RALGPS2: variants seen among roughly 807,000 people sequenced by gnomAD.
The protein encoded by RALGPS2 is Ral GEF with PH domain and SH3 binding motif 2, also known as ras-specific guanine nucleotide-releasing factor RalGPS2.
In RALGPS2, 43 loss-of-function variants were observed where a neutral mutation model predicts 86.8. The ratio of observed to expected loss-of-function variants is 0.50; its 90% CI spans 0.39 to 0.64. RALGPS2 has a LOEUF of 0.64. RALGPS2 is among the 30% of genes least tolerant of loss of function. The pLI, the probability that RALGPS2 is intolerant of heterozygous loss-of-function variation, is 0.00. For synonymous variants in RALGPS2, 243 were observed against 231.3 expected (o/e 1.05, Z -0.46); for missense variants, 536 against 694.6 (o/e 0.77, Z 2.57).
chr1:178,900,277 T>C (rs937654049), intron 17 of RALGPS2, among the ~76,000 whole-genome samples: 1 of 152,008 alleles, frequency 6.6e-6, no homozygotes, highest in Non-Finnish European at 1.5e-5. Context: ...TTTAGTATTC[T>C]ATAAAGTATA....
chr1:178,819,870 A>T (rs531888592), intron 6 of RALGPS2, among the ~76,000 whole-genome samples: 2 of 152,220 alleles, frequency 1.3e-5, no homozygotes, highest in Non-Finnish European at 2.9e-5. Context: ...CTCTGAACTG[A>T]TTCCCTTCCT....
At chr1:178,832,672 T>C (rs146175667) in intron 7 of RALGPS2, among the ~76,000 whole-genome samples, 74 of 151,932 alleles carry the variant, frequency 4.9e-4, no homozygotes, top group Non-Finnish European at 8.5e-4. Flanking sequence ...AGTAATGAAA[T>C]AGAAACTTCA....
At chr1:178,821,160 G>A (rs1655486711) in intron 6 of RALGPS2, among the ~76,000 whole-genome samples, 1 of 152,122 alleles carries the variant, frequency 6.6e-6, no homozygotes, top group African/African-American at 2.4e-5. Flanking sequence ...GTGAAAGGCA[G>A]GTTTCTCCCT....
rs530394165 is a variant in RALGPS2 at position 178,727,503 on chromosome 1, G to C, written c.-84+2084G>C. Among the ~76,000 whole-genome samples the C allele has an allele frequency of 3.3e-5, 5 of 152,298 alleles. No homozygotes were observed. In the East Asian group the frequency reaches 9.6e-4, roughly 29 times the overall value. On this transcript the variant is annotated intron_variant, in intron 1 of 19. Transcript: ENST00000367635. ...AATGCTTGCATTGGCAGAACACAAC[G>C]TGCTTTTCTAATATTTATTAGTAAT... is the stretch of plus-strand genomic sequence containing the variant.
chr1:178,811,418 G>C lies in RALGPS2; in HGVS notation c.387+14G>C. On this transcript the variant is annotated intron_variant, in intron 6 of 19. Coordinates refer to ENST00000367635, the MANE Select transcript of RALGPS2 (RefSeq NM_152663.5). Reference sequence around the variant, plus strand: ...AAAACTGCTAAGGTAAGAAAAACTTGTGTTTTTATTTTTGAGTTCAACCAT... The same window carrying C: ...AAAACTGCTAAGGTAAGAAAAACTTCTGTTTTTATTTTTGAGTTCAACCAT... The C allele has an allele frequency of 6.7e-7, 1 of 1,489,664 alleles. No individual in the cohort carries two copies. The highest frequency in any genetic ancestry group is 1.5e-5 in the African/African-American group (1 of 67,872). 92.3% of individuals were successfully genotyped at this position (1,489,664 alleles called of 1,614,324 possible).
At chr1:178,761,177 C>A (rs1003886695) in intron 1 of RALGPS2, among the ~76,000 whole-genome samples, 2 of 151,934 alleles carry the variant, frequency 1.3e-5, no homozygotes, top group African/African-American at 4.8e-5. Flanking sequence ...GTTTCGGCCA[C>A]GTTTGCCAGG....
intron 8 of RALGPS2, among the ~76,000 whole-genome samples, chr1:178,854,747 G>A (rs1657415350): frequency 6.6e-6 from 1 of 152,140 alleles, no homozygotes; most frequent in African/African-American, 2.4e-5. Flanking sequence ...CTGAACTGCT[G>A]TGTTGCATGC....
chr1:178,767,728 C>G (rs866442899), intron 1 of RALGPS2, among the ~76,000 whole-genome samples: 20 of 152,070 alleles, frequency 1.3e-4, no homozygotes, highest in Admixed American at 2.6e-4. Context: ...GTGGAGTTGA[C>G]CACCCTGTCA....
Position 178,917,906 on chromosome 1 carries a change from T to C in RALGPS2, c.*1547T>C, listed in dbSNP as rs1660865044. 1 of 152,162 alleles carries C rather than the reference T, an allele frequency of 6.6e-6. No individual in the cohort carries two copies. Among genetic ancestry groups the C allele is most frequent in the Non-Finnish European group, 1.5e-5 (1 of 68,002 alleles). The allele number at this position is 152,162 out of a possible 1,614,324, so 9.4% of individuals were successfully genotyped here. On this transcript the variant is annotated 3_prime_UTR_variant, in exon 20 of 20. Transcript: ENST00000367635. Reference sequence around the variant, plus strand: ...GTTACTTTGGGCCTCACATAAAATTTCTCACATTCGTATTCTTAGAGAATT... The same window carrying C: ...GTTACTTTGGGCCTCACATAAAATTCCTCACATTCGTATTCTTAGAGAATT...
At chr1:178,815,392 A>G (rs1572360311) in intron 6 of RALGPS2, among the ~76,000 whole-genome samples, 1 of 151,828 alleles carries the variant, frequency 6.6e-6, no homozygotes, top group Non-Finnish European at 1.5e-5. Context: ...GCAGTCTTCT[A>G]TTGATTTTTG....
At chr1:178,839,943 AGAG>A (rs1656503091) in intron 8 of RALGPS2, among the ~76,000 whole-genome samples, 1 of 152,252 alleles carries the variant, frequency 6.6e-6, no homozygotes, top group Non-Finnish European at 1.5e-5. Flanking sequence ...TTCAACAAGA[AGAG>A]CTAACTATCC....
intron 4 of RALGPS2, among the ~76,000 whole-genome samples, chr1:178,793,936 G>A (rs915453286): frequency 6.6e-6 from 1 of 152,120 alleles, no homozygotes; most frequent in Non-Finnish European, 1.5e-5. Context: ...ATGCTGAGTA[G>A]GGCAGAAGTT....
At chr1:178,801,318 A>G (rs1449666021) in intron 4 of RALGPS2, among the ~76,000 whole-genome samples, 2 of 152,016 alleles carry the variant, frequency 1.3e-5, no homozygotes, top group African/African-American at 4.8e-5. Context: ...AATTTAATCT[A>G]CTGTGTTTTA....
At chr1:178,865,599 T>C (rs114952794) in intron 8 of RALGPS2, 1 of 1,614,042 alleles carries the variant, frequency 6.2e-7, no homozygotes, top group African/African-American at 1.3e-5. Context: ...GGCCCTGTTA[T>C]TCTTTGTTCA....
intron 1 of RALGPS2, among the ~76,000 whole-genome samples, chr1:178,758,745 G>T (rs1342853448): frequency 6.6e-6 from 1 of 152,096 alleles, no homozygotes; most frequent in African/African-American, 2.4e-5. Flanking sequence ...TCTTTTTATG[G>T]CTGAATAGTA....
At position 178,909,445 on chromosome 1, in the gene RALGPS2, T is replaced by G. The variant is rs111700177; in HGVS notation, c.1722+2578T>G. 4.6e-3 allele frequency among the ~76,000 whole-genome samples: 697 copies of G among 152,204 alleles called. 7 individuals are homozygous for G. Among genetic ancestry groups the G allele is most frequent in the African/African-American group, 0.015 (624 of 41,524 alleles). On this transcript the variant is annotated intron_variant, in intron 19 of 19. Transcript: ENST00000367635. ...TGTTGTTGTTCCCATATGAATTTTCTAATGGTTTTTTCTAATTCTTTGAAG... is the reference window on the plus strand; with the variant it reads ...TGTTGTTGTTCCCATATGAATTTTCGAATGGTTTTTTCTAATTCTTTGAAG...
chr1:178,886,422 G>A (rs990767071), intron 13 of RALGPS2, among the ~76,000 whole-genome samples: 20 of 152,110 alleles, frequency 1.3e-4, no homozygotes, highest in African/African-American at 4.3e-4. Flanking sequence ...AATGACTTCC[G>A]GTTATTTGGG....
At position 178,745,718 on chromosome 1, in the gene RALGPS2, A is replaced by G. The variant is rs1158811426; in HGVS notation, c.-84+20299A>G. ...TCTTTATCTTGAGTCAAGCAAAATTATTTTTAGTTACAACACCAAAAGCAT... is the reference window on the plus strand; with the variant it reads ...TCTTTATCTTGAGTCAAGCAAAATTGTTTTTAGTTACAACACCAAAAGCAT... On this transcript the variant is annotated intron_variant, in intron 1 of 19. Coordinates refer to ENST00000367635, the MANE Select transcript of RALGPS2 (RefSeq NM_152663.5). Among the ~76,000 whole-genome samples the G allele has an allele frequency of 3.3e-5, 5 of 151,822 alleles. No individual in the cohort carries two copies. The East Asian group carries it at 9.7e-4, about 29-fold the overall frequency.
At chr1:178,776,992 G>C (rs1296231885) in intron 2 of RALGPS2, among the ~76,000 whole-genome samples, 171 bp downstream of exon 2, 49 of 151,018 alleles carry the variant, frequency 3.2e-4, no homozygotes, top group Non-Finnish European at 1.5e-5. Context: ...GGGTACATGT[G>C]CACATTGTGC....
Sources: allele counts gnomAD v4.1 joint callset (sites outside exome capture counted in the v4.1 genomes callset), GRCh38; gene constraint gnomAD v4.1.1; transcripts MANE v1.5; gene names NCBI Gene and HGNC (gene_info 2026-07-23, HGNC 2026-07-21).